Variants in SLC2A9 observed in about 807,000 individuals in gnomAD.
The protein encoded by SLC2A9 is solute carrier family 2 member 9, also known as solute carrier family 2, facilitated glucose transporter member 9.
SLC2A9 carries 39 observed loss-of-function variants against 50.6 expected under a neutral mutation model. The observed-to-expected ratio is 0.77, with a 90% CI of 0.60 to 1.01. SLC2A9 has a LOEUF of 1.01. Among genes scored for constraint, SLC2A9 ranks in the 50% least tolerant of loss-of-function variants. The pLI is 0.00. For synonymous variants in SLC2A9, 324 were observed against 276.9 expected (o/e 1.17, Z -1.69); for missense variants, 686 against 677.6 (o/e 1.01, Z -0.14).
At chr4:10,018,053 C>T (rs1047197129) in intron 2 of SLC2A9, among the ~76,000 whole-genome samples, 1 of 152,192 alleles carries the variant, frequency 6.6e-6, no homozygotes, top group South Asian at 2.1e-4. Context: ...TAGGTCAAAG[C>T]CAAAGCCAGC....
chr4:9,781,856 AAG>A, intron 3 of SLC2A9: 1 of 519,470 alleles, frequency 1.9e-6, no homozygotes, highest in Non-Finnish European at 3.2e-6. Context: ...TTCAGGAGGC[AAG>A]AGAAGTCCCC....
chr4:9,780,713 A>G (rs368700190), intron 3 of SLC2A9, among the ~76,000 whole-genome samples: 1 of 152,206 alleles, frequency 6.6e-6, no homozygotes, highest in South Asian at 2.1e-4. Flanking sequence ...GAAACACTTC[A>G]CAAATGCAAC....
At chr4:9,819,856 C>T (rs1366420060) in intron 3 of SLC2A9, among the ~76,000 whole-genome samples, 2 of 152,214 alleles carry the variant, frequency 1.3e-5, no homozygotes, top group African/African-American at 4.8e-5. Flanking sequence ...ATCGCTTGAA[C>T]CCGGGAGGCA....
chr4:9,830,402 G>A (rs958701090), intron 11 of SLC2A9, among the ~76,000 whole-genome samples: 6 of 152,156 alleles, frequency 3.9e-5, no homozygotes, highest in African/African-American at 1.4e-4. Context: ...ATAGCTAATG[G>A]ACTCTGGGTT....
At chr4:9,913,303 T>TTGTGTG (rs59023239) in intron 7 of SLC2A9, among the ~76,000 whole-genome samples, 17,575 of 141,406 alleles carry the variant, frequency 0.12, 1,175 homozygotes, top group Non-Finnish European at 0.18. Flanking sequence ...TCCTGTGTGT[T>TTGTGTG]TGTGTGTGTG....
intron 10 of SLC2A9, among the ~76,000 whole-genome samples, chr4:9,837,613 C>T (rs1164988364): frequency 6.6e-6 from 1 of 152,222 alleles, no homozygotes; most frequent in Admixed American, 6.5e-5. Flanking sequence ...TTCTTCAGGG[C>T]TTGAGGCCAT....
intron 3 of SLC2A9, among the ~76,000 whole-genome samples, chr4:9,811,468 G>T (rs895045164): frequency 2.0e-5 from 3 of 152,172 alleles, no homozygotes; most frequent in African/African-American, 7.2e-5. Flanking sequence ...GGGGCCTTTT[G>T]GAGATGGTAA....
At chr4:9,775,517 T>C (rs1717431268), downstream of SLC2A9, among the ~76,000 whole-genome samples, 1 of 152,072 alleles carries the variant, frequency 6.6e-6, no homozygotes, top group South Asian at 2.1e-4. Context: ...GTGCTGGAGT[T>C]GGGGCCTGGT....
chr4:9,916,709 G>C (rs895608609), intron 7 of SLC2A9, among the ~76,000 whole-genome samples: 2 of 152,148 alleles, frequency 1.3e-5, no homozygotes, highest in East Asian at 3.9e-4. Flanking sequence ...GGAATCCCAA[G>C]GAAGGAAGGG....
chr4:10,020,150 A>C (rs1310808641), intron 1 of SLC2A9, among the ~76,000 whole-genome samples: 1 of 152,078 alleles, frequency 6.6e-6, no homozygotes, highest in African/African-American at 2.4e-5. Context: ...TCAGGGACCC[A>C]TATCAGTCAA....
chr4:9,824,731 C>A (rs993602512), downstream of SLC2A9, among the ~76,000 whole-genome samples: 2 of 152,094 alleles, frequency 1.3e-5, no homozygotes, highest in Non-Finnish European at 2.9e-5. Context: ...ATGATAGGTA[C>A]CTAATAAATA....
intron 9 of SLC2A9, among the ~76,000 whole-genome samples, chr4:9,888,020 G>A (rs1203624278): frequency 7.1e-6 from 1 of 141,752 alleles, no homozygotes; most frequent in African/African-American, 2.7e-5. Flanking sequence ...CACAAGAACC[G>A]AAAACCAAAC....
At chr4:9,830,739 G>A (rs1725991839) in intron 11 of SLC2A9, among the ~76,000 whole-genome samples, 2 of 152,164 alleles carry the variant, frequency 1.3e-5, no homozygotes, top group Admixed American at 1.3e-4. Context: ...GAAAATATTG[G>A]CACTCCACAC....
chr4:9,830,477 T>G (rs1725933257), intron 11 of SLC2A9, among the ~76,000 whole-genome samples: 1 of 152,198 alleles, frequency 6.6e-6, no homozygotes, highest in African/African-American at 2.4e-5. Context: ...TGTTTACTTG[T>G]GTAACAAACC....
intron 7 of SLC2A9, among the ~76,000 whole-genome samples, chr4:9,917,343 T>C (rs1221028098): frequency 1.5e-5 from 2 of 135,174 alleles, no homozygotes; most frequent in Non-Finnish European, 3.2e-5. Flanking sequence ...TTTTTTTTTT[T>C]TTTTTTTGTG....
intron 3 of SLC2A9, among the ~76,000 whole-genome samples, chr4:9,790,272 G>A (rs1719735957): frequency 6.6e-6 from 1 of 152,174 alleles, no homozygotes; most frequent in South Asian, 2.1e-4. Flanking sequence ...ATCAGACTTG[G>A]TTGTAAATTC....
At chr4:10,026,081 A>G, upstream of SLC2A9, 1 of 1,096,004 alleles carries the variant, frequency 9.1e-7, no homozygotes, top group Non-Finnish European at 1.4e-6. Context: ...GGTGGCCTGG[A>G]GCAGTCTTCG....
chr4:9,954,036 C>T (rs1337379542), intron 5 of SLC2A9, among the ~76,000 whole-genome samples: 2 of 152,042 alleles, frequency 1.3e-5, no homozygotes, highest in East Asian at 1.9e-4. Context: ...CTCTGACTCC[C>T]GACCTCAGGT....
chr4:9,958,236 C>G (rs1259398228), intron 5 of SLC2A9, among the ~76,000 whole-genome samples: 1 of 152,140 alleles, frequency 6.6e-6, no homozygotes, highest in Non-Finnish European at 1.5e-5. Flanking sequence ...GTCTCAAAAG[C>G]TTTGTCTTCA....
Sources: allele counts gnomAD v4.1 joint callset (sites outside exome capture counted in the v4.1 genomes callset), GRCh38; gene constraint gnomAD v4.1.1; transcripts MANE v1.5; gene names NCBI Gene and HGNC (gene_info 2026-07-23, HGNC 2026-07-21).